The following SMG9 variants were observed in gnomAD, a reference collection of about 807,000 sequenced individuals.
The protein encoded by SMG9 is SMG9 nonsense mediated mRNA decay factor.
SMG9 carries 55 observed loss-of-function variants against 64.0 expected under a neutral mutation model. The ratio of observed to expected loss-of-function variants is 0.86; its 90% CI spans 0.69 to 1.08. The LOEUF (loss-of-function observed/expected upper bound fraction) is 1.08, where lower values mean the gene tolerates loss of function less well. Among genes scored for constraint, SMG9 ranks in the 50% least tolerant of loss-of-function variants. The pLI, the probability that SMG9 is intolerant of heterozygous loss-of-function variation, is 0.00. For missense variants in SMG9, 554 were observed against 681.3 expected, an observed-to-expected ratio of 0.81 and a Z score of 2.08; for synonymous variants, 244 against 254.8, an observed-to-expected ratio of 0.96 and a Z score of 0.41.
chr19:43,745,349 G>GT (rs1386532807), intron 5 of SMG9, among the ~76,000 whole-genome samples: 1 of 151,994 alleles, frequency 6.6e-6, no homozygotes, highest in African/African-American at 2.4e-5. Context: ...GCTTTCGTCT[G>GT]TGTGTGTGTT....
chr19:43,743,072 C>CA (rs796608980), intron 6 of SMG9, among the ~76,000 whole-genome samples: 3,294 of 140,306 alleles, frequency 0.023, 108 homozygotes, highest in African/African-American at 0.079. Flanking sequence ...GAGACTGTCT[C>CA]AAAAAAAAAA....
intron 6 of SMG9, among the ~76,000 whole-genome samples, chr19:43,741,335 A>C (rs1483127744): frequency 1.3e-5 from 2 of 152,286 alleles, no homozygotes; most frequent in East Asian, 3.9e-4. Context: ...GCATCGGCAG[A>C]AAGTAGGTGG....
At chr19:43,742,073 A>G (rs1968862343) in intron 6 of SMG9, among the ~76,000 whole-genome samples, 1 of 152,164 alleles carries the variant, frequency 6.6e-6, no homozygotes, top group East Asian at 1.9e-4. Context: ...GCCTAAACCT[A>G]GGAGATAGAG....
At position 43,733,018 on chromosome 19, in the gene SMG9, A is replaced by C; in HGVS notation, c.1340-16T>G. The C allele has an allele frequency of 1.2e-6, 2 of 1,600,884 alleles. No homozygotes were observed. The highest frequency in any genetic ancestry group is 1.7e-6 in the Non-Finnish European group (2 of 1,173,414). On this transcript the variant is annotated splice_polypyrimidine_tract_variant and intron_variant, in intron 12 of 13. Coordinates refer to ENST00000270066, the MANE Select transcript of SMG9 (RefSeq NM_019108.4). ...GAACCAGGTCCTGGAAAGTTGGGGCAGGGAGGGTAAGAGGGATAGACTGCC... is the reference window on the plus strand; with the variant it reads ...GAACCAGGTCCTGGAAAGTTGGGGCCGGGAGGGTAAGAGGGATAGACTGCC...
intron 9 of SMG9, among the ~76,000 whole-genome samples, chr19:43,735,475 G>A (rs953892683): frequency 1.3e-5 from 2 of 151,890 alleles, no homozygotes; most frequent in African/African-American, 4.8e-5. Context: ...AAAAATAGCC[G>A]GGCATGGTGG....
intron 5 of SMG9, among the ~76,000 whole-genome samples, chr19:43,747,064 T>C (rs1969035541): frequency 6.6e-6 from 1 of 152,088 alleles, no homozygotes; most frequent in African/African-American, 2.4e-5. Context: ...GTGATTCTCC[T>C]ACCTTGGCCT....
intron 7 of SMG9, among the ~76,000 whole-genome samples, chr19:43,739,349 T>A (rs944521886): frequency 1.3e-5 from 2 of 152,224 alleles, no homozygotes; most frequent in African/African-American, 4.8e-5. Context: ...AAAACCCCTA[T>A]GAGGCAGGCA....
intron 12 of SMG9, 67 bp downstream of exon 12, chr19:43,733,257 G>T: frequency 1.9e-6 from 3 of 1,570,718 alleles, no homozygotes; most frequent in Non-Finnish European, 2.6e-6. Context: ...TAGACCAGTG[G>T]GTGCTGGGTC....
In SMG9 at chr19:43,733,728, A is replaced by C. The variant is rs1382700529; in HGVS notation, c.1108T>G (p.Leu370Val). Residue 370 changes from leucine to valine, a missense_variant, in exon 11 of 14, where the codon TTG becomes GTG. Transcript: ENST00000270066. ...TCCTCTCGGCGAGCTTTGTTCTGCA[A>C]GAAGACTGAGGGTGGGAAGAGACGG... ...GTEYYPHLVF[L>V]QNKARREDFC... 6.2e-7 allele frequency: 1 copy of C among 1,614,004 alleles called. No homozygotes were observed. Among genetic ancestry groups the C allele is most frequent in the Non-Finnish European group, 8.5e-7 (1 of 1,179,906 alleles).
intron 5 of SMG9, 110 bp downstream of exon 5, chr19:43,747,332 C>A (rs754979947): frequency 1.2e-5 from 12 of 993,158 alleles, no homozygotes; most frequent in Non-Finnish European, 1.7e-5. Flanking sequence ...CCCCCTCTCA[C>A]TGCTGTAAGT....
intron 2 of SMG9, among the ~76,000 whole-genome samples, chr19:43,749,536 T>C (rs757942312): frequency 4.6e-5 from 7 of 152,200 alleles, no homozygotes; most frequent in African/African-American, 7.2e-5. Flanking sequence ...CGTGTTCTCA[T>C]TTACACTGTG....
chr19:43,750,831 C>CT, intron 1 of SMG9, 84 bp from the exon 2 acceptor site: 7 of 1,299,028 alleles, frequency 5.4e-6, no homozygotes, highest in Non-Finnish European at 7.2e-6. Context: ...GAAGTCCCTT[C>CT]TTTCTTTTTT....
At chr19:43,737,287 T>TAAAC (rs1968701505) in intron 9 of SMG9, among the ~76,000 whole-genome samples, 1 of 151,146 alleles carries the variant, frequency 6.6e-6, no homozygotes, top group South Asian at 2.1e-4. Context: ...AATAAATAAA[T>TAAAC]AAATAAATAA....
intron 6 of SMG9, among the ~76,000 whole-genome samples, chr19:43,741,596 C>T (rs998694680): frequency 6.6e-6 from 1 of 152,144 alleles, no homozygotes; most frequent in Non-Finnish European, 1.5e-5. Flanking sequence ...CTTACAAGGC[C>T]CAGTGCCAGA....
intron 2 of SMG9, among the ~76,000 whole-genome samples, chr19:43,750,031 T>C (rs982177698): frequency 6.6e-6 from 1 of 152,212 alleles, no homozygotes; most frequent in Admixed American, 6.5e-5. Flanking sequence ...AAGCACAGTA[T>C]AGGCTGCTCA....
chr19:43,748,674 A>G (rs202243856), intron 2 of SMG9: 3 of 520,054 alleles, frequency 5.8e-6, no homozygotes, highest in East Asian at 5.4e-5. Context: ...TGCCTCCCCA[A>G]CTTACCCTCA....
At chr19:43,752,224 G>A (rs999398490) in intron 1 of SMG9, among the ~76,000 whole-genome samples, 29 of 152,168 alleles carry the variant, frequency 1.9e-4, no homozygotes, top group African/African-American at 6.5e-4. Flanking sequence ...TGTCTCCAGT[G>A]TTTATTCTAT....
At chr19:43,747,396 G>T in intron 5 of SMG9, 46 bp downstream of exon 5, 1 of 1,579,740 alleles carries the variant, frequency 6.3e-7, no homozygotes, top group Non-Finnish European at 8.6e-7. Flanking sequence ...AAGATCAGAG[G>T]ATGCAGGATG....
At chr19:43,754,547 C>T (rs974243890) in intron 1 of SMG9, 107 bp downstream of exon 1, 5 of 152,166 alleles carry the variant, frequency 3.3e-5, no homozygotes, top group Non-Finnish European at 7.3e-5. Flanking sequence ...CGCACCCCCG[C>T]CGGACGTCCC....
Sources: allele counts gnomAD v4.1 joint callset (sites outside exome capture counted in the v4.1 genomes callset), GRCh38; gene constraint gnomAD v4.1.1; transcripts MANE v1.5; gene names NCBI Gene and HGNC (gene_info 2026-07-23, HGNC 2026-07-21).